KIF4A: variants seen among roughly 807,000 people sequenced by gnomAD.
KIF4A encodes the protein kinesin family member 4A, also known as chromosome-associated kinesin KIF4A.
A neutral mutation model predicts 105.9 loss-of-function variants in KIF4A; 7 were observed. That is an observed-to-expected ratio of 0.07 (90% CI 0.04 to 0.12). KIF4A has a LOEUF of 0.12. KIF4A is among the 10% of genes least tolerant of loss of function. KIF4A has a pLI of 1.00. For synonymous variants in KIF4A, 281 were observed against 331.3 expected, an observed-to-expected ratio of 0.85 and a Z score of 1.65; for missense variants, 558 against 929.2, an observed-to-expected ratio of 0.60 and a Z score of 5.19.
At chrX:70,417,594 C>T (rs1226241595) in intron 28 of KIF4A, among the ~76,000 whole-genome samples, 1 of 111,624 alleles carries the variant, frequency 9.0e-6, no homozygotes, top group Non-Finnish European at 1.9e-5. Context: ...TTGCAGTGAG[C>T]GGAGATCGTG....
rs963879999 is a variant in KIF4A, at chrX:70,333,679, G to A, written c.1123G>A (p.Gly375Arg). 19 of 1,169,054 alleles carry A rather than the reference G, an allele frequency of 1.6e-5. 1 individual carries two copies. The highest frequency in any genetic ancestry group is 2.3e-4 in the Middle Eastern group (1 of 4,262). The change falls in exon 10 of 31, where the codon GGA becomes AGA. Residue 375 changes from glycine to arginine, a missense_variant. By Grantham distance (125) the Gly-to-Arg change is moderately radical. Transcript: ENST00000374403. ...LLQAHGGTLP[G>R]SITVEPSENL... ...ACAGGCCCATGGAGGTACCCTGCCT[G>A]GATCTATAACGTAAGAGTCATAGAT...
At chrX:70,290,228 C>T in intron 1 of KIF4A, 78 bp downstream of exon 1, 1 of 369,087 alleles carries the variant, frequency 2.7e-6, no homozygotes, top group Non-Finnish European at 4.6e-6. Context: ...TGTCGCCGTC[C>T]CCGTTGGAGT....
intron 20 of KIF4A, among the ~76,000 whole-genome samples, chrX:70,388,587 T>G (rs2046316613): frequency 8.9e-6 from 1 of 111,979 alleles, no homozygotes; most frequent in Non-Finnish European, 1.9e-5. Flanking sequence ...TTAGCTATTC[T>G]GTGTGGGTGG....
chrX:70,341,809 T>C lies in KIF4A; in HGVS notation c.1144T>C (p.Ser382Pro), dbSNP rs762485082. ...TTTACTTTGTTTTAGTGTGGAACCATCAGAGAATCTACAATCCCTGATGGA... is the reference window on the plus strand; with the variant it reads ...TTTACTTTGTTTTAGTGTGGAACCACCAGAGAATCTACAATCCCTGATGGA... ...TLPGSITVEP[S>P]ENLQSLMEKN... is the part of the protein sequence containing the mutation. Residue 382 changes from serine (S) to proline (P), a missense_variant, in exon 11 of 31, where the codon TCA becomes CCA. By Grantham distance (74) the Ser-to-Pro change is moderately conservative. Around this residue, in one of 2 missense-constraint regions of KIF4A, gnomAD observed 469 missense variants for 680.4 expected, o/e 0.69. Transcript: ENST00000374403. 2 of 1,209,609 alleles carry C rather than the reference T, an allele frequency of 1.7e-6. No homozygotes were observed. The highest frequency in any genetic ancestry group is 2.2e-6 in the Non-Finnish European group (2 of 893,781).
At chrX:70,318,761 GTATTT>G (rs1169734827) in intron 7 of KIF4A, among the ~76,000 whole-genome samples, 2 of 111,874 alleles carry the variant, frequency 1.8e-5, no homozygotes, top group African/African-American at 6.5e-5. Flanking sequence ...TCGACCATGT[GTATTT>G]TCAGTTAAAT....
chrX:70,384,133 A>G (rs2086207906), intron 18 of KIF4A, among the ~76,000 whole-genome samples: 2 of 112,237 alleles, frequency 1.8e-5, no homozygotes, highest in Non-Finnish European at 3.8e-5. Context: ...TACATTCTAC[A>G]GGAATATATA....
At chrX:70,348,051 T>C (rs2086001386) in intron 13 of KIF4A, among the ~76,000 whole-genome samples, 1 of 106,249 alleles carries the variant, frequency 9.4e-6, no homozygotes, top group Non-Finnish European at 1.9e-5. Context: ...TGAGAAAGGA[T>C]GTGGGAATAC....
intron 28 of KIF4A, among the ~76,000 whole-genome samples, chrX:70,409,712 G>A (rs761220334): frequency 1.9e-5 from 2 of 107,169 alleles, no homozygotes; most frequent in South Asian, 8.4e-4. Context: ...CAGGAGAATC[G>A]CTTGAACCCA....
intron 7 of KIF4A, among the ~76,000 whole-genome samples, chrX:70,314,868 A>G (rs747507603): frequency 3.6e-5 from 4 of 111,131 alleles, no homozygotes; most frequent in Non-Finnish European, 5.7e-5. Context: ...CAGTGTGATT[A>G]CTGAGAAGAG....
At chrX:70,387,332 A>G in intron 20 of KIF4A, 35 bp downstream of exon 20, 1 of 990,059 alleles carries the variant, frequency 1.0e-6, no homozygotes, top group Non-Finnish European at 1.4e-6. Context: ...TCTCTTGTGG[A>G]CACTGGGAAC....
Position 70,290,679 on chromosome X carries a change from T to C in KIF4A, c.121-12T>C, listed in dbSNP as rs751572288. 3.3e-6 allele frequency: 4 copies of C among 1,204,092 alleles called. No individual in the cohort carries two copies. In the Admixed American group the frequency reaches 8.7e-5, roughly 26 times the overall value. On this transcript the variant is annotated splice_polypyrimidine_tract_variant and intron_variant, in intron 2 of 30. Transcript: ENST00000374403. ...ATTTTTAACCTTACGCCTTGTCCCGTGCCTTCTCTAGGTGGTGGTTGGTAC... is the reference window on the plus strand; with the variant it reads ...ATTTTTAACCTTACGCCTTGTCCCGCGCCTTCTCTAGGTGGTGGTTGGTAC...
chrX:70,321,317 CAACTT>C (rs774407049), intron 7 of KIF4A, among the ~76,000 whole-genome samples: 1 of 112,450 alleles, frequency 8.9e-6, no homozygotes, highest in South Asian at 3.7e-4. Flanking sequence ...TTTTAAGACT[CAACTT>C]AAGTGTTGGG....
intron 3 of KIF4A, among the ~76,000 whole-genome samples, chrX:70,294,513 G>A (rs1364221438): frequency 8.9e-6 from 1 of 112,419 alleles, no homozygotes; most frequent in African/African-American, 3.2e-5. Flanking sequence ...TAGCAGTGAA[G>A]TAGGTTTCTT....
chrX:70,407,865 C>T (rs2086306792), intron 28 of KIF4A, among the ~76,000 whole-genome samples: 1 of 111,573 alleles, frequency 9.0e-6, no homozygotes, highest in African/African-American at 3.3e-5. Flanking sequence ...GTCGGGAGTT[C>T]GAGACCAGCC....
chrX:70,322,351 G>A lies in KIF4A; in HGVS notation c.779-7054G>A, dbSNP rs367913357. ...TTTTGAGACAGAGTCTCACTCTGTCGCCCAGGCTGAAGTGCAGTGGCGCAA... is the reference window on the plus strand; with the variant it reads ...TTTTGAGACAGAGTCTCACTCTGTCACCCAGGCTGAAGTGCAGTGGCGCAA... On this transcript the variant is annotated intron_variant, in intron 7 of 30. Coordinates refer to ENST00000374403, the MANE Select transcript of KIF4A (RefSeq NM_012310.5). Among the ~76,000 whole-genome samples the A allele has an allele frequency of 4.7e-5, 5 of 106,829 alleles. No individual in the cohort carries two copies. In the South Asian group the frequency reaches 1.3e-3, roughly 28 times the overall value. The allele number at this position is 106,829 out of a possible 115,157, so 92.8% of individuals were successfully genotyped here. A position where few individuals can be genotyped will look rare whatever the true frequency, so the allele number is the denominator to read the frequency against.
intron 15 of KIF4A, among the ~76,000 whole-genome samples, chrX:70,363,671 T>C (rs1268252099): frequency 2.7e-5 from 3 of 112,308 alleles, no homozygotes; most frequent in Middle Eastern, 4.2e-3. Context: ...TTCCAAGTCT[T>C]TGCTATTGTG....
At chrX:70,334,563 C>T (rs1204567425) in intron 10 of KIF4A, among the ~76,000 whole-genome samples, 1 of 112,079 alleles carries the variant, frequency 8.9e-6, no homozygotes, top group Admixed American at 9.5e-5. Context: ...AGCCTATATC[C>T]CTGTGGGAAA....
intron 28 of KIF4A, among the ~76,000 whole-genome samples, chrX:70,416,737 T>C (rs1375353945): frequency 1.8e-5 from 2 of 112,369 alleles, no homozygotes; most frequent in Non-Finnish European, 3.7e-5. Context: ...ACCCCTTAAG[T>C]CCAGCCTGTC....
intron 15 of KIF4A, among the ~76,000 whole-genome samples, chrX:70,356,210 G>A (rs772280600): frequency 9.0e-6 from 1 of 110,713 alleles, no homozygotes; most frequent in South Asian, 3.9e-4. Flanking sequence ...AGCACAGGGA[G>A]GTGGAGGCTG....
Sources: gnomAD v4.1 joint callset for allele counts (sites outside exome capture counted in the v4.1 genomes callset) on GRCh38, gnomAD v4.1.1 for gene constraint, gnomAD v4.1.1 regional missense constraint, MANE v1.5 for transcripts, NCBI Gene and HGNC (gene_info 2026-07-23, HGNC 2026-07-21) for gene names.